HDAC9: variants seen among roughly 807,000 people sequenced by gnomAD.
HDAC9 encodes histone deacetylase 9.
A neutral mutation model predicts 139.4 loss-of-function variants in HDAC9; 41 were observed. That is an observed-to-expected ratio of 0.29 (90% CI 0.23 to 0.38). The LOEUF (loss-of-function observed/expected upper bound fraction) is 0.38, where lower values mean the gene tolerates loss of function less well. Among genes scored for constraint, HDAC9 ranks in the 10% least tolerant of loss-of-function variants. The pLI, the probability that HDAC9 is intolerant of heterozygous loss-of-function variation, is 1.00. For synonymous variants in HDAC9, 517 were observed against 476.2 expected, an observed-to-expected ratio of 1.09 and a Z score of -1.12; for missense variants, 1,147 against 1,297.0, an observed-to-expected ratio of 0.88 and a Z score of 1.78.
intron 1 of HDAC9, among the ~76,000 whole-genome samples, chr7:18,373,456 CA>C (rs1247146711): frequency 6.6e-6 from 1 of 152,090 alleles, no homozygotes; most frequent in Non-Finnish European, 1.5e-5. Flanking sequence ...TATTACAATA[CA>C]AAAAGATGTA....
At chr7:18,649,984 A>G (rs190859274) in intron 11 of HDAC9, among the ~76,000 whole-genome samples, 2 of 152,290 alleles carry the variant, frequency 1.3e-5, no homozygotes, top group East Asian at 1.9e-4. Flanking sequence ...TTATTGCTGT[A>G]GCACTTCTCT....
intron 1 of HDAC9, among the ~76,000 whole-genome samples, chr7:18,460,498 C>T (rs1793741576): frequency 6.6e-6 from 1 of 151,688 alleles, no homozygotes; most frequent in South Asian, 2.1e-4. Flanking sequence ...AGTAGATTAT[C>T]CTGGGGCCAG....
intron 1 of HDAC9, among the ~76,000 whole-genome samples, chr7:18,416,614 T>C (rs1326467566): frequency 2.0e-5 from 3 of 152,216 alleles, no homozygotes; most frequent in Non-Finnish European, 4.4e-5. Flanking sequence ...ATTTATTTCT[T>C]CTTGAGTAAG....
intron 2 of HDAC9, among the ~76,000 whole-genome samples, chr7:18,214,549 T>C (rs1353637244): frequency 6.6e-6 from 1 of 152,148 alleles, no homozygotes; most frequent in African/African-American, 2.4e-5. Context: ...AATCTCACTT[T>C]GATGCTTTTC....
At chr7:18,116,824 G>T (rs1208808165) in intron 1 of HDAC9, among the ~76,000 whole-genome samples, 2 of 152,142 alleles carry the variant, frequency 1.3e-5, no homozygotes, top group East Asian at 3.9e-4. Context: ...TGGCTTAAAT[G>T]TATGAAAGGA....
chr7:18,735,770 G>T (rs1197094627), intron 13 of HDAC9, among the ~76,000 whole-genome samples: 1 of 152,166 alleles, frequency 6.6e-6, no homozygotes, highest in African/African-American at 2.4e-5. Flanking sequence ...ATTCTGTGAA[G>T]AAAGTCAATA....
chr7:18,915,515 A>G (rs1341464137), intron 22 of HDAC9, among the ~76,000 whole-genome samples: 1 of 151,978 alleles, frequency 6.6e-6, no homozygotes, highest in South Asian at 2.1e-4. Context: ...ACAAAAAATT[A>G]TGTGCCACAA....
chr7:18,397,306 G>C (rs1291120491), intron 1 of HDAC9, among the ~76,000 whole-genome samples: 1 of 152,070 alleles, frequency 6.6e-6, no homozygotes, highest in Non-Finnish European at 1.5e-5. Flanking sequence ...GAACTTTGTT[G>C]GTAAAAATCC....
At chr7:18,231,584 A>T (rs942417676) in intron 2 of HDAC9, among the ~76,000 whole-genome samples, 1 of 152,184 alleles carries the variant, frequency 6.6e-6, no homozygotes, top group Non-Finnish European at 1.5e-5. Context: ...AAATATTTTG[A>T]GTTAATTTTA....
intron 1 of HDAC9, chr7:18,162,176 G>A (rs1313028452): frequency 7.5e-6 from 5 of 665,632 alleles, no homozygotes; most frequent in Non-Finnish European, 1.3e-5. Context: ...TTCTTTTTCA[G>A]TGTGACTTGA....
chr7:18,193,317 A>G (rs756278064), intron 2 of HDAC9, among the ~76,000 whole-genome samples: 7 of 152,202 alleles, frequency 4.6e-5, no homozygotes, highest in Non-Finnish European at 8.8e-5. Context: ...ATTAGCTTCT[A>G]CCATTTGTTT....
chr7:18,284,458 C>A (rs1489800904), intron 2 of HDAC9, among the ~76,000 whole-genome samples: 1 of 152,090 alleles, frequency 6.6e-6, no homozygotes, highest in Non-Finnish European at 1.5e-5. Flanking sequence ...TCCATTATCT[C>A]CTATTTCATC....
At chr7:18,267,236 G>A (rs972017380) in intron 2 of HDAC9, among the ~76,000 whole-genome samples, 3 of 151,962 alleles carry the variant, frequency 2.0e-5, no homozygotes, top group Non-Finnish European at 2.9e-5. Context: ...TATACATTGT[G>A]GTGCAGCTAA....
At chr7:18,295,654 G>C (rs547977891) in intron 1 of HDAC9, among the ~76,000 whole-genome samples, 1 of 152,134 alleles carries the variant, frequency 6.6e-6, no homozygotes, top group Non-Finnish European at 1.5e-5. Context: ...CTTGAAATCA[G>C]CACTTTCTTC....
chr7:18,640,337 G>A (rs370552618), intron 8 of HDAC9, among the ~76,000 whole-genome samples: 14 of 134,610 alleles, frequency 1.0e-4, no homozygotes, highest in African/African-American at 2.8e-4. Context: ...CAGCCTGGGC[G>A]ACAGAGCAAG....
intron 1 of HDAC9, among the ~76,000 whole-genome samples, chr7:18,306,665 T>A (rs1184434365): frequency 1.3e-5 from 2 of 152,190 alleles, no homozygotes; most frequent in Admixed American, 1.3e-4. Context: ...ATCCAGGCAT[T>A]TTCTTGCTTA....
At chr7:18,162,353 A>G in intron 2 of HDAC9, 1 of 1,534,860 alleles carries the variant, frequency 6.5e-7, no homozygotes, top group East Asian at 2.4e-5. Flanking sequence ...CAGCCTGGTC[A>G]GTCTGGTTGC....
intron 1 of HDAC9, among the ~76,000 whole-genome samples, chr7:18,412,432 G>A (rs1391513825): frequency 1.3e-5 from 2 of 152,162 alleles, no homozygotes; most frequent in African/African-American, 2.4e-5. Flanking sequence ...GCTTCCCACA[G>A]TACTATAAGG....
intron 2 of HDAC9, among the ~76,000 whole-genome samples, chr7:18,255,626 CTT>C (rs11386457): frequency 4.4e-5 from 5 of 113,604 alleles, no homozygotes; most frequent in Non-Finnish European, 6.8e-5. Flanking sequence ...TTTTTCTTTC[CTT>C]TTTTTTTTTT....
Sources: gnomAD v4.1 joint callset for allele counts (sites outside exome capture counted in the v4.1 genomes callset) on GRCh38, gnomAD v4.1.1 for gene constraint, MANE v1.5 for transcripts, NCBI Gene and HGNC (gene_info 2026-07-23, HGNC 2026-07-21) for gene names.